TXNRD3: variants seen among roughly 807,000 people sequenced by gnomAD.
TXNRD3 encodes TXNRD3 neighbor gene protein.
Under a neutral mutation model 78.2 loss-of-function variants are expected in TXNRD3, and 68 were observed. That is an observed-to-expected ratio of 0.87 (90% CI 0.72 to 1.06). The LOEUF (loss-of-function observed/expected upper bound fraction) is 1.06, where lower values mean the gene tolerates loss of function less well. TXNRD3 is among the 50% of genes least tolerant of loss of function. TXNRD3 has a pLI of 0.00. For synonymous variants in TXNRD3, 296 were observed against 300.1 expected (o/e 0.99, Z 0.14); for missense variants, 751 against 809.5 (o/e 0.93, Z 0.88).
chr3:126,631,745 A>G lies in TXNRD3; in HGVS notation c.971+19T>C, dbSNP rs779496863. 9 of 1,374,142 alleles carry G rather than the reference A, an allele frequency of 6.5e-6. No individual in the cohort carries two copies. Among genetic ancestry groups the G allele is most frequent in the African/African-American group, 4.3e-5 (3 of 69,854 alleles). 85.1% of individuals were successfully genotyped at this position (1,374,142 alleles called of 1,614,324 possible). A position where few individuals can be genotyped will look rare whatever the true frequency, so the allele number is the denominator to read the frequency against. Reference sequence around the variant, plus strand: ...TCAATTTATTAACATTAAAGTTAAAATAGTCTATTTAACCTTACCTAGTAA... The same window carrying G: ...TCAATTTATTAACATTAAAGTTAAAGTAGTCTATTTAACCTTACCTAGTAA... On this transcript the variant is annotated intron_variant, in intron 8 of 15. Transcript: ENST00000524230.
intron 10 of TXNRD3, among the ~76,000 whole-genome samples, chr3:126,624,589 T>G (rs552988678): frequency 1.2e-3 from 190 of 152,080 alleles, no homozygotes; most frequent in South Asian, 2.5e-3. Context: ...ACCGGCTAAT[T>G]TTTTTGTATT....
chr3:126,608,657 G>A, intron 14 of TXNRD3, 24 bp from the exon 15 acceptor site: 1 of 1,528,956 alleles, frequency 6.5e-7, no homozygotes, highest in Non-Finnish European at 8.7e-7. Context: ...ACAAAACAAA[G>A]AGAATCCCAG....
At chr3:126,617,590 G>C (rs80336935) in intron 12 of TXNRD3, among the ~76,000 whole-genome samples, 2,188 of 152,266 alleles carry the variant, frequency 0.014, 26 homozygotes, top group Non-Finnish European at 0.022. Flanking sequence ...AAAACAACTG[G>C]AGAAATTCAG....
In TXNRD3 at chr3:126,609,507, G is replaced by A. The variant is rs144926970; in HGVS notation, c.1729-874C>T. Among the ~76,000 whole-genome samples, 129 of 152,266 alleles carry A rather than the reference G, an allele frequency of 8.5e-4. 1 individual carries two copies. The highest frequency in any genetic ancestry group is 2.9e-3 in the African/African-American group (122 of 41,544). Reference sequence around the variant, plus strand: ...GGTGGGTTGCTCAGCAAGCAGAAAAGGGGTGTAAATGAAGGTCCTGAGTGA... The same window carrying A: ...GGTGGGTTGCTCAGCAAGCAGAAAAAGGGTGTAAATGAAGGTCCTGAGTGA... On this transcript the variant is annotated intron_variant, in intron 14 of 15. Transcript: ENST00000524230.
intron 9 of TXNRD3, among the ~76,000 whole-genome samples, chr3:126,630,299 G>C (rs2107618494): frequency 6.6e-6 from 1 of 152,344 alleles, no homozygotes; most frequent in African/African-American, 2.4e-5. Flanking sequence ...GCGTGAAATG[G>C]AGTCAAGAAA....
chr3:126,647,649 G>C (rs1243399929), intron 1 of TXNRD3, among the ~76,000 whole-genome samples: 2 of 152,046 alleles, frequency 1.3e-5, no homozygotes, highest in African/African-American at 2.4e-5. Flanking sequence ...CTTCCACTCA[G>C]TAAGACCCCA....
chr3:126,634,902 G>A (rs4679279), intron 6 of TXNRD3, among the ~76,000 whole-genome samples: 72,366 of 152,054 alleles, frequency 0.48, 18,836 homozygotes, highest in East Asian at 0.63. Context: ...TTACCATGCA[G>A]GAAAGGGAGT....
intron 12 of TXNRD3, among the ~76,000 whole-genome samples, chr3:126,618,327 C>T (rs1204148237): frequency 6.6e-6 from 1 of 152,096 alleles, no homozygotes; most frequent in Non-Finnish European, 1.5e-5. Flanking sequence ...AAATATACTA[C>T]AAGTTATAGT....
At chr3:126,636,348 C>A (rs77362796) in intron 6 of TXNRD3, among the ~76,000 whole-genome samples, 1 of 152,086 alleles carries the variant, frequency 6.6e-6, no homozygotes, top group Non-Finnish European at 1.5e-5. Context: ...CTTTTTCTAT[C>A]GGCCCTTTGT....
chr3:126,639,843 C>T (rs952557164), intron 6 of TXNRD3, among the ~76,000 whole-genome samples: 2 of 152,116 alleles, frequency 1.3e-5, no homozygotes, highest in African/African-American at 4.8e-5. Context: ...ATCCTTCTAC[C>T]TCAGCCTCCC....
Position 126,634,556 on chromosome 3 carries a change from G to A in TXNRD3, c.713-505C>T, listed in dbSNP as rs556676999. On this transcript the variant is annotated intron_variant, in intron 6 of 15. Transcript: ENST00000524230. ...TGTCTTTACAACAAATATGGTTCAC[G>A]CTCACCACTGCCAACCTTCAATATT... Among the ~76,000 whole-genome samples the A allele has an allele frequency of 3.3e-5, 5 of 152,212 alleles. No individual in the cohort carries two copies. In the South Asian group the frequency reaches 1.0e-3, roughly 32 times the overall value.
chr3:126,636,219 T>C (rs1016340755), intron 6 of TXNRD3, among the ~76,000 whole-genome samples: 6 of 152,206 alleles, frequency 3.9e-5, no homozygotes, highest in Non-Finnish European at 8.8e-5. Context: ...ACTTAACTCA[T>C]TAGTTCTAAT....
chr3:126,649,045 G>A (rs1353044007), intron 1 of TXNRD3, among the ~76,000 whole-genome samples: 2 of 152,162 alleles, frequency 1.3e-5, no homozygotes, highest in Non-Finnish European at 2.9e-5. Flanking sequence ...TATCAACTGA[G>A]TAGAGAGGTG....
chr3:126,620,267 C>G (rs1938417883), intron 12 of TXNRD3, among the ~76,000 whole-genome samples: 1 of 143,670 alleles, frequency 7.0e-6, no homozygotes, highest in Non-Finnish European at 1.5e-5. Flanking sequence ...TGCACTCCAG[C>G]CTGGGCGGCA....
At chr3:126,608,348 G>A (rs979402937) in intron 15 of TXNRD3, 151 bp downstream of exon 15, 4 of 918,368 alleles carry the variant, frequency 4.4e-6, no homozygotes, top group Non-Finnish European at 6.0e-6. Context: ...ATGACAGAGT[G>A]AGACCCTGTC....
chr3:126,634,769 A>T (rs191308591), intron 6 of TXNRD3, among the ~76,000 whole-genome samples: 1 of 152,274 alleles, frequency 6.6e-6, no homozygotes, highest in Non-Finnish European at 1.5e-5. Context: ...CAGGGCTTTC[A>T]TCATAACTGG....
chr3:126,622,397 C>A (rs778786436), intron 11 of TXNRD3, 67 bp downstream of exon 11: 91 of 1,113,540 alleles, frequency 8.2e-5, no homozygotes, highest in Non-Finnish European at 1.0e-4. Context: ...ATGAGAATTT[C>A]TTAGAGGTGA....
At chr3:126,629,811 T>TA (rs1938668470) in intron 9 of TXNRD3, among the ~76,000 whole-genome samples, 2 of 152,338 alleles carry the variant, frequency 1.3e-5, no homozygotes, top group East Asian at 3.9e-4. Flanking sequence ...AATATTTAGG[T>TA]AAAAAATCTA....
At chr3:126,647,651 A>T (rs1049896139) in intron 1 of TXNRD3, among the ~76,000 whole-genome samples, 1 of 152,112 alleles carries the variant, frequency 6.6e-6, no homozygotes, top group Non-Finnish European at 1.5e-5. Flanking sequence ...TCCACTCAGT[A>T]AGACCCCATC....
Sources: allele counts gnomAD v4.1 joint callset (sites outside exome capture counted in the v4.1 genomes callset), GRCh38; gene constraint gnomAD v4.1.1; transcripts MANE v1.5; gene names NCBI Gene and HGNC (gene_info 2026-07-23, HGNC 2026-07-21).